The following MED27 variants were observed in gnomAD, a reference collection of about 807,000 sequenced individuals.
MED27 encodes the protein mediator of RNA polymerase II transcription subunit 27.
In MED27, 30 loss-of-function variants were observed where a neutral mutation model predicts 38.2. That is an observed-to-expected ratio of 0.79 (90% CI 0.59 to 1.07). MED27 has a LOEUF of 1.07. Among genes scored for constraint, MED27 ranks in the 50% least tolerant of loss-of-function variants. MED27 has a pLI of 0.00. For missense variants in MED27, 289 were observed against 397.5 expected, an observed-to-expected ratio of 0.73 and a Z score of 2.32; for synonymous variants, 122 against 153.5, an observed-to-expected ratio of 0.79 and a Z score of 1.52.
At chr9:131,936,221 G>C (rs1325860031) in intron 4 of MED27, among the ~76,000 whole-genome samples, 2 of 152,064 alleles carry the variant, frequency 1.3e-5, no homozygotes, top group African/African-American at 4.8e-5. Flanking sequence ...CTTGCCACCA[G>C]CATGACCTGT....
chr9:132,060,594 G>A (rs543483439), intron 2 of MED27, among the ~76,000 whole-genome samples: 4 of 152,158 alleles, frequency 2.6e-5, no homozygotes, highest in Middle Eastern at 3.4e-3. Flanking sequence ...AACCCTTTAC[G>A]GTCCCCACCA....
At chr9:132,059,173 T>C (rs927491494) in intron 2 of MED27, among the ~76,000 whole-genome samples, 2 of 152,208 alleles carry the variant, frequency 1.3e-5, no homozygotes, top group Non-Finnish European at 2.9e-5. Context: ...TCTCCGCAAC[T>C]GAGACACAAC....
At chr9:131,989,470 T>C (rs1319385330) in intron 3 of MED27, among the ~76,000 whole-genome samples, 2 of 152,370 alleles carry the variant, frequency 1.3e-5, no homozygotes, top group East Asian at 3.9e-4. Flanking sequence ...AGGTAAGCTA[T>C]GTATTTTTTA....
At chr9:131,937,009 C>G (rs765266096) in intron 4 of MED27, among the ~76,000 whole-genome samples, 1 of 152,150 alleles carries the variant, frequency 6.6e-6, no homozygotes, top group Non-Finnish European at 1.5e-5. Context: ...ACACTGCATT[C>G]CAGAATAAAT....
At chr9:132,072,411 A>T (rs1159845959) in intron 2 of MED27, among the ~76,000 whole-genome samples, 1 of 152,186 alleles carries the variant, frequency 6.6e-6, no homozygotes, top group African/African-American at 2.4e-5. Flanking sequence ...TCTTGACTCC[A>T]GAACTTACAT....
At chr9:131,914,638 C>T (rs868035222) in intron 4 of MED27, among the ~76,000 whole-genome samples, 3 of 152,222 alleles carry the variant, frequency 2.0e-5, no homozygotes, top group East Asian at 1.9e-4. Flanking sequence ...AGATGGGTCA[C>T]GTAGGGGCTT....
At chr9:132,016,744 C>T (rs1832611580) in intron 2 of MED27, among the ~76,000 whole-genome samples, 1 of 152,230 alleles carries the variant, frequency 6.6e-6, no homozygotes, top group Admixed American at 6.5e-5. Flanking sequence ...CAAGCTCAGC[C>T]ATTCCAGCCC....
intron 2 of MED27, among the ~76,000 whole-genome samples, chr9:132,042,930 C>G (rs1833250055): frequency 6.6e-6 from 1 of 152,102 alleles, no homozygotes; most frequent in African/African-American, 2.4e-5. Context: ...GCTATGGGAA[C>G]AAATTAGAGA....
At chr9:132,008,598 G>A (rs1832414172) in intron 3 of MED27, among the ~76,000 whole-genome samples, 1 of 152,186 alleles carries the variant, frequency 6.6e-6, no homozygotes, top group Non-Finnish European at 1.5e-5. Context: ...TCATCCTATG[G>A]GAGCTCAGGG....
intron 4 of MED27, among the ~76,000 whole-genome samples, chr9:131,926,300 T>C (rs1038015106): frequency 6.6e-6 from 1 of 152,286 alleles, no homozygotes; most frequent in Admixed American, 6.5e-5. Flanking sequence ...TAGTAGCATA[T>C]CTCATAAGCC....
intron 5 of MED27, among the ~76,000 whole-genome samples, chr9:131,892,508 A>T (rs1839245178): frequency 6.6e-6 from 1 of 152,198 alleles, no homozygotes; most frequent in Non-Finnish European, 1.5e-5. Flanking sequence ...CTCTAGTAGC[A>T]CGGTCCTGAT....
At chr9:131,950,547 T>C (rs1250224297) in intron 3 of MED27, among the ~76,000 whole-genome samples, 1 of 152,208 alleles carries the variant, frequency 6.6e-6, no homozygotes, top group Non-Finnish European at 1.5e-5. Flanking sequence ...TCCCTGAGAA[T>C]CTACATGGTA....
rs148254531 is a variant in MED27, at chr9:131,910,527, AT to A, written c.574-16536del. On this transcript the variant is annotated intron_variant, in intron 4 of 7. Transcript: ENST00000292035. ...TGTTTCTCAACTCATTTACATTTGG[AT>A]TTTTTTTTTAAAGGGCTACTGAAGG... Among the ~76,000 whole-genome samples the A allele has an allele frequency of 1.5e-3, 224 of 150,556 alleles. 1 individual carries two copies. Among genetic ancestry groups the A allele is most frequent in the African/African-American group, 4.7e-3 (194 of 41,096 alleles).
intron 4 of MED27, among the ~76,000 whole-genome samples, chr9:131,903,735 TA>T (rs1006792223): frequency 3.3e-5 from 5 of 152,092 alleles, no homozygotes; most frequent in African/African-American, 4.8e-5. Flanking sequence ...TTGTCATTAT[TA>T]TTTTTTTTAG....
chr9:131,904,134 C>T (rs183846008), intron 4 of MED27, among the ~76,000 whole-genome samples: 10 of 152,244 alleles, frequency 6.6e-5, no homozygotes, highest in Non-Finnish European at 1.3e-4. Context: ...CTCCTGACCT[C>T]GTGATCCACT....
chr9:131,973,952 A>G (rs1384787918), intron 3 of MED27, among the ~76,000 whole-genome samples: 1 of 150,912 alleles, frequency 6.6e-6, no homozygotes, highest in Non-Finnish European at 1.5e-5. Context: ...TGACCTAGTG[A>G]TCCACCCGCC....
At chr9:131,981,287 C>G (rs1289397060) in intron 3 of MED27, among the ~76,000 whole-genome samples, 1 of 152,188 alleles carries the variant, frequency 6.6e-6, no homozygotes, top group Non-Finnish European at 1.5e-5. Context: ...TAAATCATAT[C>G]CTTCTGATTT....
At chr9:131,979,066 G>C (rs1831675295) in intron 3 of MED27, among the ~76,000 whole-genome samples, 1 of 152,166 alleles carries the variant, frequency 6.6e-6, no homozygotes, top group South Asian at 2.1e-4. Flanking sequence ...ACAATTTGGT[G>C]CACAAGCTTG....
At chr9:131,976,367 C>T (rs967534895) in intron 3 of MED27, among the ~76,000 whole-genome samples, 5 of 152,198 alleles carry the variant, frequency 3.3e-5, no homozygotes, top group African/African-American at 1.2e-4. Context: ...TTATCCTCTC[C>T]ATTATCCTAA....
Sources: gnomAD v4.1 joint callset for allele counts (sites outside exome capture counted in the v4.1 genomes callset) on GRCh38, gnomAD v4.1.1 for gene constraint, MANE v1.5 for transcripts, NCBI Gene and HGNC (gene_info 2026-07-23, HGNC 2026-07-21) for gene names.